Variants in DOCK2 observed in about 807,000 individuals in gnomAD.
DOCK2 encodes dedicator of cytokinesis 2, also known as dedicator of cytokinesis protein 2.
Under a neutral mutation model 248.9 loss-of-function variants are expected in DOCK2, and 87 were observed. The ratio of observed to expected loss-of-function variants is 0.35; its 90% confidence interval spans 0.29 to 0.42. The LOEUF (loss-of-function observed/expected upper bound fraction) is 0.42, where lower values mean the gene tolerates loss of function less well. DOCK2 is among the 10% of genes least tolerant of loss of function. The pLI is 1.00. For missense variants in DOCK2, 1,747 were observed against 2,300.2 expected (o/e 0.76, Z 4.92); for synonymous variants, 805 against 821.6 (o/e 0.98, Z 0.35).
At chr5:169,774,880 C>T (rs1040851153) in intron 25 of DOCK2, among the ~76,000 whole-genome samples, 7 of 147,684 alleles carry the variant, frequency 4.7e-5, no homozygotes, top group Admixed American at 2.7e-4. Flanking sequence ...CATCCATATC[C>T]CCATGACTGT....
intron 27 of DOCK2, among the ~76,000 whole-genome samples, chr5:169,893,683 A>G (rs949196220): frequency 2.0e-5 from 3 of 152,208 alleles, no homozygotes; most frequent in Non-Finnish European, 4.4e-5. Context: ...CCTCTTCTCC[A>G]TAAGCTCCAT....
chr5:169,824,378 C>T (rs1768698650), intron 26 of DOCK2, among the ~76,000 whole-genome samples: 1 of 152,202 alleles, frequency 6.6e-6, no homozygotes, highest in African/African-American at 2.4e-5. Context: ...AACTATACTA[C>T]AAGGCTACAG....
At chr5:170,003,195 G>A (rs760929792) in intron 30 of DOCK2, among the ~76,000 whole-genome samples, 7 of 152,200 alleles carry the variant, frequency 4.6e-5, no homozygotes, top group South Asian at 4.1e-4. Context: ...TGGATGCCTC[G>A]TTCTCAAATT....
At chr5:170,040,144 T>A (rs1313017460) in intron 36 of DOCK2, among the ~76,000 whole-genome samples, 1 of 152,234 alleles carries the variant, frequency 6.6e-6, no homozygotes, top group African/African-American at 2.4e-5. Flanking sequence ...AAGACACACA[T>A]GGTCTCCTTG....
At chr5:169,656,355 CT>C (rs1396173131) in intron 2 of DOCK2, among the ~76,000 whole-genome samples, 1 of 149,560 alleles carries the variant, frequency 6.7e-6, no homozygotes, top group Non-Finnish European at 1.5e-5. Context: ...CGGACTCTTG[CT>C]TTTGTCTCCC....
chr5:169,910,399 C>CT (rs1261789683), intron 27 of DOCK2, among the ~76,000 whole-genome samples: 6 of 152,334 alleles, frequency 3.9e-5, no homozygotes, highest in African/African-American at 1.4e-4. Context: ...GGCAGAGGAT[C>CT]TACCCCCTCA....
intron 10 of DOCK2, among the ~76,000 whole-genome samples, chr5:169,698,034 A>G (rs999433747): frequency 1.3e-5 from 2 of 152,240 alleles, no homozygotes; most frequent in East Asian, 1.9e-4. Context: ...CATGGTAGAC[A>G]TTCAATACAT....
intron 26 of DOCK2, among the ~76,000 whole-genome samples, chr5:169,805,498 A>C (rs1767304511): frequency 6.6e-6 from 1 of 152,212 alleles, no homozygotes; most frequent in Non-Finnish European, 1.5e-5. Flanking sequence ...ATGGGGAAAA[A>C]AATGTGGGTC....
At chr5:169,777,659 T>C (rs773665093) in intron 25 of DOCK2, among the ~76,000 whole-genome samples, 29 of 152,230 alleles carry the variant, frequency 1.9e-4, no homozygotes, top group Non-Finnish European at 4.0e-4. Context: ...ACTTCACCTC[T>C]GTAAGCATCT....
chr5:169,788,697 A>G (rs1481108163), intron 25 of DOCK2, among the ~76,000 whole-genome samples: 1 of 152,212 alleles, frequency 6.6e-6, no homozygotes, highest in East Asian at 1.9e-4. Context: ...TTTTTGGACT[A>G]AGGTAATGTA....
At chr5:170,064,790 G>A (rs566193240) in intron 44 of DOCK2, among the ~76,000 whole-genome samples, 4 of 152,230 alleles carry the variant, frequency 2.6e-5, no homozygotes, top group African/African-American at 9.6e-5. Context: ...TAAATCCAAA[G>A]AGAACCAAAA....
chr5:169,936,532 A>T (rs1776004906), intron 27 of DOCK2, among the ~76,000 whole-genome samples: 1 of 148,262 alleles, frequency 6.7e-6, no homozygotes, highest in African/African-American at 2.5e-5. Flanking sequence ...TCCTGTGTGT[A>T]TTTCGATGGG....
At chr5:169,968,978 G>A (rs1395508463) in intron 27 of DOCK2, among the ~76,000 whole-genome samples, 1 of 152,148 alleles carries the variant, frequency 6.6e-6, no homozygotes. Flanking sequence ...GTGATACCAT[G>A]CCTCTACAAA....
In DOCK2 at chr5:169,764,071, C is replaced by T. The variant is rs931760157; in HGVS notation, c.2554+2446C>T. On this transcript the variant is annotated intron_variant, in intron 25 of 51. Transcript: ENST00000520908. The surrounding 1 kb of genome is among the most constrained non-coding windows in gnomAD (Gnocchi z 4.3). ...CTCGGGTGAGCATCTCTCTTTATAC[C>T]CTTAAATAAGGTGAGTGTGATTCCT... Among the ~76,000 whole-genome samples, 3 of 152,092 alleles carry T rather than the reference C, an allele frequency of 2.0e-5. No homozygotes were observed. Among genetic ancestry groups the T allele is most frequent in the African/African-American group, 4.8e-5 (2 of 41,412 alleles).
intron 27 of DOCK2, among the ~76,000 whole-genome samples, chr5:169,862,015 A>G (rs1771232050): frequency 6.6e-6 from 1 of 151,742 alleles, no homozygotes; most frequent in African/African-American, 2.4e-5. Flanking sequence ...TTAAGGGTTC[A>G]TGTGAGGGCC....
At chr5:170,030,082 T>G (rs1400982494) in intron 34 of DOCK2, among the ~76,000 whole-genome samples, 1 of 152,214 alleles carries the variant, frequency 6.6e-6, no homozygotes, top group Admixed American at 6.5e-5. Context: ...TATCTTAAAG[T>G]TCTAAACAAG....
intron 2 of DOCK2, among the ~76,000 whole-genome samples, chr5:169,663,599 C>T (rs750958129): frequency 1.4e-4 from 21 of 152,250 alleles, no homozygotes; most frequent in Non-Finnish European, 2.5e-4. Flanking sequence ...GTCTCCTGTG[C>T]ACCTGCAGGC....
At chr5:169,887,190 TC>T (rs1773021128) in intron 27 of DOCK2, among the ~76,000 whole-genome samples, 1 of 152,186 alleles carries the variant, frequency 6.6e-6, no homozygotes, top group Non-Finnish European at 1.5e-5. Flanking sequence ...TCAAACTCCC[TC>T]CACATTTTCA....
rs1014419209 is a variant in DOCK2, at chr5:169,752,693, G to C, written c.2376+5189G>C. Among the ~76,000 whole-genome samples the C allele has an allele frequency of 5.3e-5, 8 of 152,238 alleles. No homozygotes were observed. The South Asian group carries it at 1.5e-3, about 28-fold the overall frequency. On this transcript the variant is annotated intron_variant, in intron 23 of 51. Transcript: ENST00000520908. Reference sequence around the variant, plus strand: ...GCAGGAAGATCACTTGAGCCTAGGGGATCAAGGCTGCAGTGAGCTGTGATA... The same window carrying C: ...GCAGGAAGATCACTTGAGCCTAGGGCATCAAGGCTGCAGTGAGCTGTGATA...
Sources: allele counts gnomAD v4.1 joint callset (sites outside exome capture counted in the v4.1 genomes callset), GRCh38; gene constraint gnomAD v4.1.1; non-coding constraint Gnocchi (gnomAD v3.1); transcripts MANE v1.5; gene names NCBI Gene and HGNC (gene_info 2026-07-23, HGNC 2026-07-21).